The following HPSE2 variants were observed in gnomAD, a reference collection of about 807,000 sequenced individuals.
The protein encoded by HPSE2 is inactive heparanase-2.
A neutral mutation model predicts 60.5 loss-of-function variants in HPSE2; 38 were observed. The ratio of observed to expected loss-of-function variants is 0.63; its 90% confidence interval spans 0.48 to 0.82. The LOEUF is 0.82. HPSE2 is among the 40% of genes least tolerant of loss of function. HPSE2 has a pLI of 0.00. For synonymous variants in HPSE2, 295 were observed against 293.2 expected (o/e 1.01, Z -0.06); for missense variants, 713 against 740.4 (o/e 0.96, Z 0.43).
intron 4 of HPSE2, 98 bp from the exon 5 acceptor site, chr10:98,721,926 GAA>G (rs11352482): frequency 9.2e-5 from 72 of 782,042 alleles, no homozygotes; most frequent in Admixed American, 4.4e-4. Context: ...TTAATAATAT[GAA>G]AAAAAAAAAC....
Position 98,589,066 on chromosome 10 carries a change from T to A in HPSE2, c.1320+25838A>T, listed in dbSNP as rs144401715. Among the ~76,000 whole-genome samples, 645 of 152,162 alleles carry A rather than the reference T, an allele frequency of 4.2e-3. 3 individuals are homozygous for A. Among genetic ancestry groups the A allele is most frequent in the African/African-American group, 0.015 (623 of 41,518 alleles). On this transcript the variant is annotated intron_variant, in intron 9 of 11. Coordinates refer to ENST00000370552, the MANE Select transcript of HPSE2 (RefSeq NM_021828.5). ...GTGTGTTTTTAAAAAAATATCTGAT[T>A]GGTAGAATATGAATTCAAGGCTTCC...
At chr10:98,879,848 TGTGC>T (rs1554835520) in intron 3 of HPSE2, among the ~76,000 whole-genome samples, 1 of 106,006 alleles carries the variant, frequency 9.4e-6, no homozygotes, top group Non-Finnish European at 1.9e-5. Context: ...TTGGTGTGCA[TGTGC>T]GTGTGTGTGT....
upstream of HPSE2, among the ~76,000 whole-genome samples, chr10:99,240,146 G>A (rs1046713908): frequency 2.6e-5 from 4 of 151,952 alleles, no homozygotes; most frequent in Admixed American, 1.3e-4. Flanking sequence ...CCGAGATCAT[G>A]CCATTGCACT....
At chr10:99,112,195 C>G (rs527431842) in intron 3 of HPSE2, among the ~76,000 whole-genome samples, 2 of 152,130 alleles carry the variant, frequency 1.3e-5, no homozygotes, top group Non-Finnish European at 2.9e-5. Context: ...AATACAGTAA[C>G]AATAATATAT....
rs947255363 is a variant in HPSE2 at position 98,917,858 on chromosome 10, T to A, written c.611-173802A>T. On this transcript the variant is annotated intron_variant, in intron 3 of 11. Coordinates refer to ENST00000370552, the MANE Select transcript of HPSE2 (RefSeq NM_021828.5). ...TTTCTGTTAGTCTTTCTGATGGCAA[T>A]GCCTGTAGGGAATTTTAATGAAGAG... 2.0e-5 allele frequency among the ~76,000 whole-genome samples: 3 copies of A among 152,218 alleles called. No individual in the cohort carries two copies. In the East Asian group the frequency reaches 5.8e-4, roughly 29 times the overall value.
intron 2 of HPSE2, among the ~76,000 whole-genome samples, chr10:99,168,608 T>C (rs1847179051): frequency 6.6e-6 from 1 of 152,232 alleles, no homozygotes; most frequent in African/African-American, 2.4e-5. Context: ...GTAGGCTATC[T>C]TTCTTAGCTT....
chr10:98,598,725 A>G (rs1172208228), intron 9 of HPSE2, among the ~76,000 whole-genome samples: 2 of 151,294 alleles, frequency 1.3e-5, no homozygotes, highest in Non-Finnish European at 3.0e-5. Context: ...ACTGGGATCT[A>G]CTTGGGTGGG....
the HPSE2 span, among the ~76,000 whole-genome samples, chr10:99,305,969 G>GCACACACACACACACACACACACACA: frequency 2.0e-5 from 1 of 50,918 alleles, no homozygotes; most frequent in South Asian, 5.8e-4. Context: ...ACACGCGCGC[G>GCACACACACACACACACACACACACA]CGCGCGCGCG....
At chr10:99,204,301 C>T (rs1848672139) in intron 2 of HPSE2, among the ~76,000 whole-genome samples, 2 of 152,212 alleles carry the variant, frequency 1.3e-5, no homozygotes, top group African/African-American at 4.8e-5. Context: ...CACACACCTG[C>T]TGACTCAGGA....
intron 10 of HPSE2, among the ~76,000 whole-genome samples, chr10:98,487,425 G>T (rs1350590138): frequency 6.6e-6 from 1 of 152,208 alleles, no homozygotes; most frequent in Non-Finnish European, 1.5e-5. Flanking sequence ...GATGTGAAAT[G>T]GATTCCTGTG....
At chr10:99,160,538 G>A (rs1846786203) in intron 2 of HPSE2, among the ~76,000 whole-genome samples, 1 of 152,130 alleles carries the variant, frequency 6.6e-6, no homozygotes, top group Non-Finnish European at 1.5e-5. Context: ...AAATAAACTT[G>A]CTGTACAACC....
At chr10:99,151,686 T>G (rs937697711) in intron 2 of HPSE2, among the ~76,000 whole-genome samples, 1 of 152,106 alleles carries the variant, frequency 6.6e-6, no homozygotes, top group African/African-American at 2.4e-5. Context: ...CAATGGAGAC[T>G]AGAAAGCAGT....
intron 9 of HPSE2, among the ~76,000 whole-genome samples, chr10:98,491,285 A>C (rs1414343597): frequency 6.6e-6 from 1 of 152,202 alleles, no homozygotes; most frequent in Non-Finnish European, 1.5e-5. Flanking sequence ...AATCAGAATA[A>C]AGTCTCAAAG....
At chr10:98,997,815 TA>T (rs1343327853) in intron 3 of HPSE2, among the ~76,000 whole-genome samples, 1 of 152,144 alleles carries the variant, frequency 6.6e-6, no homozygotes, top group Non-Finnish European at 1.5e-5. Context: ...GGACAGGAAG[TA>T]AAGAATTCTA....
At chr10:98,983,648 T>C (rs1956261649) in intron 3 of HPSE2, among the ~76,000 whole-genome samples, 1 of 152,202 alleles carries the variant, frequency 6.6e-6, no homozygotes, top group Admixed American at 6.5e-5. Context: ...CTTTTGTGGC[T>C]GGGAAGTAAA....
chr10:98,889,087 A>G (rs899282340), intron 3 of HPSE2, among the ~76,000 whole-genome samples: 2 of 152,334 alleles, frequency 1.3e-5, no homozygotes, highest in South Asian at 4.1e-4. Context: ...CTCTTTTAAA[A>G]CAACATAGAT....
At chr10:99,200,089 G>A (rs1848525311) in intron 2 of HPSE2, among the ~76,000 whole-genome samples, 2 of 152,006 alleles carry the variant, frequency 1.3e-5, no homozygotes, top group Non-Finnish European at 2.9e-5. Flanking sequence ...CAATGTTAGT[G>A]TAAAGAAATG....
chr10:98,945,875 T>C (rs1955166370), intron 3 of HPSE2, among the ~76,000 whole-genome samples: 1 of 152,146 alleles, frequency 6.6e-6, no homozygotes, highest in Admixed American at 6.6e-5. Flanking sequence ...ATTGTTCCCA[T>C]TCCTCAAAAT....
At chr10:99,305,966 C>CGCGCGCGT in the HPSE2 span, among the ~76,000 whole-genome samples, 3 of 100,930 alleles carry the variant, frequency 3.0e-5, no homozygotes, top group African/African-American at 1.1e-4. Flanking sequence ...CACACACGCG[C>CGCGCGCGT]GCGCGCGCGC....
Sources: gnomAD v4.1 joint callset for allele counts (sites outside exome capture counted in the v4.1 genomes callset) on GRCh38, gnomAD v4.1.1 for gene constraint, MANE v1.5 for transcripts, NCBI Gene and HGNC (gene_info 2026-07-23, HGNC 2026-07-21) for gene names.